The following TAF3 variants were observed in gnomAD, a reference collection of about 807,000 sequenced individuals.
TAF3 encodes the protein TATA-box binding protein associated factor 3.
TAF3 carries 7 observed loss-of-function variants against 80.6 expected under a neutral mutation model. That is an observed-to-expected ratio of 0.09 (90% CI 0.05 to 0.16). The LOEUF (loss-of-function observed/expected upper bound fraction) is 0.16, where lower values mean the gene tolerates loss of function less well. Ranked by LOEUF, TAF3 falls within the 10% of genes least tolerant of loss-of-function variation. The pLI, the probability that TAF3 is intolerant of heterozygous loss-of-function variation, is 1.00. For synonymous variants in TAF3, 444 were observed against 446.1 expected (o/e 1.00, Z 0.06); for missense variants, 921 against 1,140.2 (o/e 0.81, Z 2.77).
intron 3 of TAF3, among the ~76,000 whole-genome samples, chr10:7,975,997 C>T (rs1272514927): frequency 1.3e-5 from 2 of 152,162 alleles, no homozygotes; most frequent in African/African-American, 4.8e-5. Context: ...TACAGCCCCA[C>T]CGAAAGACTT....
intron 4 of TAF3, among the ~76,000 whole-genome samples, chr10:7,979,884 G>A (rs1831709975): frequency 6.6e-6 from 1 of 152,156 alleles, no homozygotes; most frequent in Non-Finnish European, 1.5e-5. Context: ...CCAGGCCACT[G>A]CCTGTTTTCT....
At chr10:7,883,830 TTATCTC>T (rs1368512545) in intron 2 of TAF3, among the ~76,000 whole-genome samples, 2 of 152,312 alleles carry the variant, frequency 1.3e-5, no homozygotes, top group African/African-American at 4.8e-5. Flanking sequence ...AGAAAGGAAT[TTATCTC>T]TTATGGTTAT....
intron 4 of TAF3, among the ~76,000 whole-genome samples, chr10:8,002,224 C>T (rs1470352625): frequency 6.6e-6 from 1 of 152,166 alleles, no homozygotes; most frequent in Non-Finnish European, 1.5e-5. Flanking sequence ...ACTTCCTGAC[C>T]TAAAATTGTA....
intron 2 of TAF3, among the ~76,000 whole-genome samples, chr10:7,919,130 A>C (rs1837739963): frequency 6.6e-6 from 1 of 152,192 alleles, no homozygotes; most frequent in African/African-American, 2.4e-5. Context: ...TGGGAGATTG[A>C]GTGCGACTAG....
intron 2 of TAF3, among the ~76,000 whole-genome samples, chr10:7,894,369 A>T (rs895675716): frequency 1.3e-5 from 2 of 152,204 alleles, no homozygotes; most frequent in Non-Finnish European, 2.9e-5. Flanking sequence ...ATCAAAATCC[A>T]TCAAGTACTC....
chr10:7,985,067 C>T (rs867715664), intron 4 of TAF3, among the ~76,000 whole-genome samples: 23 of 152,344 alleles, frequency 1.5e-4, no homozygotes, highest in African/African-American at 2.6e-4. Flanking sequence ...AACATCTCTT[C>T]GCTTTTCCCA....
intron 4 of TAF3, among the ~76,000 whole-genome samples, chr10:7,995,000 AAAG>A (rs1831874568): frequency 6.6e-6 from 1 of 151,658 alleles, no homozygotes; most frequent in Non-Finnish European, 1.5e-5. Flanking sequence ...AAAAAAGAAA[AAAG>A]AAATCCTGAG....
chr10:7,914,809 G>A (rs1837692919), intron 2 of TAF3, among the ~76,000 whole-genome samples: 1 of 152,024 alleles, frequency 6.6e-6, no homozygotes, highest in African/African-American at 2.4e-5. Context: ...TAGTCTTGCA[G>A]GTAGAGTGAA....
At chr10:8,001,533 C>T (rs1831943276) in intron 4 of TAF3, among the ~76,000 whole-genome samples, 1 of 152,142 alleles carries the variant, frequency 6.6e-6, no homozygotes, top group Admixed American at 6.5e-5. Context: ...TTCACTTTGT[C>T]TTTTGCCTTT....
chr10:7,855,323 TCAAAGGGCCAAA>T (rs1837067668), intron 2 of TAF3, among the ~76,000 whole-genome samples: 1 of 152,104 alleles, frequency 6.6e-6, no homozygotes, highest in South Asian at 2.1e-4. Flanking sequence ...AAGACTGACT[TCAAAGGGCCAAA>T]CAAAGGGACC....
chr10:7,975,443 C>G (rs1013636724), intron 3 of TAF3, among the ~76,000 whole-genome samples: 1 of 152,154 alleles, frequency 6.6e-6, no homozygotes, highest in Non-Finnish European at 1.5e-5. Flanking sequence ...CGCGCATGGT[C>G]CCTGCCCTTA....
chr10:7,827,940 C>T (rs1485498670), intron 2 of TAF3, among the ~76,000 whole-genome samples: 3 of 151,996 alleles, frequency 2.0e-5, no homozygotes, highest in Admixed American at 6.6e-5. Context: ...TGAGTGACAG[C>T]GAGACCCTGT....
At chr10:7,913,495 A>G (rs1837676897) in intron 2 of TAF3, among the ~76,000 whole-genome samples, 1 of 152,220 alleles carries the variant, frequency 6.6e-6, no homozygotes, top group Admixed American at 6.5e-5. Context: ...AAGATTGCCA[A>G]CCCATTTATT....
intron 2 of TAF3, among the ~76,000 whole-genome samples, chr10:7,865,239 G>A (rs550370138): frequency 1.1e-4 from 16 of 152,112 alleles, no homozygotes; most frequent in South Asian, 6.2e-4. Flanking sequence ...AGGCCGAGGC[G>A]GGCGGATCAT....
At chr10:7,861,911 G>A (rs1354698161) in intron 2 of TAF3, among the ~76,000 whole-genome samples, 1 of 151,934 alleles carries the variant, frequency 6.6e-6, no homozygotes, top group Non-Finnish European at 1.5e-5. Flanking sequence ...ATCTCCTTCT[G>A]AGACGCCAAT....
intron 2 of TAF3, among the ~76,000 whole-genome samples, chr10:7,941,844 G>T (rs1837979805): frequency 1.3e-5 from 2 of 152,068 alleles, no homozygotes; most frequent in African/African-American, 4.8e-5. Flanking sequence ...GCAACAGAGG[G>T]GAGAGACATC....
rs576501976 is a variant in TAF3 at position 7,854,183 on chromosome 10, A to G, written c.409+29623A>G. Among the ~76,000 whole-genome samples, 29 of 152,348 alleles carry G rather than the reference A, an allele frequency of 1.9e-4. No homozygotes were observed. In the East Asian group the frequency reaches 5.0e-3, roughly 26 times the overall value. ...GGAAATTGAATAAGAAGTAAGAACC[A>G]TCAGGTTTACAGGGATAATATATTC... On this transcript the variant is annotated intron_variant, in intron 2 of 6. Coordinates refer to ENST00000344293, the MANE Select transcript of TAF3 (RefSeq NM_031923.4).
rs112477662 is a variant in TAF3 at position 7,945,578 on chromosome 10, G to A, written c.410-18342G>A. On this transcript the variant is annotated intron_variant, in intron 2 of 6. Transcript: ENST00000344293. ...CCGCAGGGAGGCCAGGCCTGCCCTC[G>A]CACTGCAGCCCCCTACCTCCTCCCA... 4.6e-5 allele frequency among the ~76,000 whole-genome samples: 7 copies of A among 152,052 alleles called. No individual in the cohort carries two copies. The East Asian group carries it at 1.4e-3, about 29-fold the overall frequency.
chr10:7,989,180 C>T (rs1244172273), intron 4 of TAF3, among the ~76,000 whole-genome samples: 1 of 152,282 alleles, frequency 6.6e-6, no homozygotes, highest in Non-Finnish European at 1.5e-5. Context: ...ACGTGACCAG[C>T]CTGAACCAAT....
Sources: gnomAD v4.1 joint callset for allele counts (sites outside exome capture counted in the v4.1 genomes callset) on GRCh38, gnomAD v4.1.1 for gene constraint, MANE v1.5 for transcripts, NCBI Gene and HGNC (gene_info 2026-07-23, HGNC 2026-07-21) for gene names.